RBFOX1: variants seen among roughly 807,000 people sequenced by gnomAD.
RBFOX1 encodes the protein RNA binding fox-1 homolog 1.
In RBFOX1, 8 loss-of-function variants were observed where a neutral mutation model predicts 57.7. The ratio of observed to expected loss-of-function variants is 0.14; its 90% confidence interval spans 0.08 to 0.25. The LOEUF (loss-of-function observed/expected upper bound fraction) is 0.25, where lower values mean the gene tolerates loss of function less well. Ranked by LOEUF, RBFOX1 falls within the 10% of genes least tolerant of loss-of-function variation. The pLI, the probability that RBFOX1 is intolerant of heterozygous loss-of-function variation, is 1.00. For synonymous variants in RBFOX1, 326 were observed against 222.4 expected (o/e 1.47, Z -4.15); for missense variants, 611 against 548.5 (o/e 1.11, Z -1.14).
chr16:7,444,153 G>T (rs1256240074), intron 4 of RBFOX1, among the ~76,000 whole-genome samples: 2 of 152,158 alleles, frequency 1.3e-5, no homozygotes, highest in African/African-American at 4.8e-5. Context: ...ATTAGCTAGG[G>T]TTATTAGTTC....
intron 4 of RBFOX1, among the ~76,000 whole-genome samples, chr16:7,428,867 A>T (rs2098650221): frequency 6.6e-6 from 1 of 152,132 alleles, no homozygotes; most frequent in Non-Finnish European, 1.5e-5. Flanking sequence ...ACAGTAGTAG[A>T]AGTAGCAGCA....
At chr16:5,633,767 A>G (rs2048595852) in intron 3 of RBFOX1, among the ~76,000 whole-genome samples, 1 of 151,836 alleles carries the variant, frequency 6.6e-6, no homozygotes, top group African/African-American at 2.4e-5. Context: ...GCAGCTGCTC[A>G]GGAGGCTGAG....
Position 5,395,320 on chromosome 16 carries a change from G to T in RBFOX1, c.220-71896G>T, listed in dbSNP as rs185760563. ...AGGCTCTTCGTACATTCTTCTGTTA[G>T]ATTCTTGCCAACTTGGATCGGAAGA... On this transcript the variant is annotated intron_variant, in intron 1 of 2. Coordinates refer to the RBFOX1 transcript ENST00000585867. Among the ~76,000 whole-genome samples, 8 of 152,346 alleles carry T rather than the reference G, an allele frequency of 5.3e-5. No individual in the cohort carries two copies. The East Asian group carries it at 1.5e-3, about 29-fold the overall frequency.
chr16:5,362,511 C>T (rs148701141), intron 1 of RBFOX1, among the ~76,000 whole-genome samples: 6,659 of 152,216 alleles, frequency 0.044, 196 homozygotes, highest in South Asian at 0.092. Context: ...TACAGGCATG[C>T]GCCAACACGC....
rs76157829 is a variant in RBFOX1 at position 6,655,870 on chromosome 16, A to C, written c.-16+1220A>C. On this transcript the variant is annotated intron_variant, in intron 3 of 15. Coordinates refer to ENST00000550418, the MANE Select transcript of RBFOX1 (RefSeq NM_018723.4). ...CATGACTGGGGCATGTCTGCTGATTAATAAGGTGGTGGAGGACTTCTCAAA... is the reference window on the plus strand; with the variant it reads ...CATGACTGGGGCATGTCTGCTGATTCATAAGGTGGTGGAGGACTTCTCAAA... Among the ~76,000 whole-genome samples the C allele has an allele frequency of 3.3e-3, 499 of 152,332 alleles. 5 individuals carry two copies. Among genetic ancestry groups the C allele is most frequent in the African/African-American group, 0.011 (477 of 41,584 alleles).
intron 4 of RBFOX1, among the ~76,000 whole-genome samples, chr16:5,912,979 C>G (rs74846379): frequency 0.01 from 1,547 of 152,296 alleles, 19 homozygotes; most frequent in Middle Eastern, 0.021. Context: ...ACTTAAGTGA[C>G]TCAGGATAAA....
chr16:6,060,540 C>G (rs553469533), intron 1 of RBFOX1, among the ~76,000 whole-genome samples: 7 of 152,244 alleles, frequency 4.6e-5, no homozygotes, highest in Non-Finnish European at 8.8e-5. Flanking sequence ...GGTTCGACCT[C>G]TACGTCAGCA....
chr16:5,856,526 CATAT>C (rs202183162), intron 3 of RBFOX1, among the ~76,000 whole-genome samples: 36 of 86,860 alleles, frequency 4.1e-4, no homozygotes, highest in East Asian at 1.8e-3. Flanking sequence ...ATCTCTCATT[CATAT>C]ATGTGTATGT....
intron 3 of RBFOX1, among the ~76,000 whole-genome samples, chr16:6,808,452 T>C (rs915191818): frequency 1.3e-5 from 2 of 151,988 alleles, no homozygotes; most frequent in Admixed American, 1.3e-4. Context: ...ATCCCAAGGA[T>C]CTCACCCCTT....
At chr16:6,794,595 G>C (rs2083592377) in intron 3 of RBFOX1, among the ~76,000 whole-genome samples, 1 of 152,030 alleles carries the variant, frequency 6.6e-6, no homozygotes, top group South Asian at 2.1e-4. Flanking sequence ...CTCATTCAGT[G>C]ACCTACATAT....
Position 6,391,280 on chromosome 16 carries a change from C to A in RBFOX1, c.-64+74223C>A, listed in dbSNP as rs138303553. 4.0e-3 allele frequency among the ~76,000 whole-genome samples: 615 copies of A among 152,168 alleles called. 8 individuals are homozygous for A. The highest frequency in any genetic ancestry group is 0.014 in the African/African-American group (581 of 41,514). Reference sequence around the variant, plus strand: ...ATCCCAGCACTTTGGGAGGCCCAGGCGGGCCGATCACGAGGTCAGGAGATC... The same window carrying A: ...ATCCCAGCACTTTGGGAGGCCCAGGAGGGCCGATCACGAGGTCAGGAGATC... On this transcript the variant is annotated intron_variant, in intron 2 of 15. Coordinates refer to ENST00000550418, the MANE Select transcript of RBFOX1 (RefSeq NM_018723.4).
intron 4 of RBFOX1, among the ~76,000 whole-genome samples, chr16:7,142,351 C>G (rs1479009380): frequency 2.0e-5 from 3 of 152,122 alleles, no homozygotes; most frequent in Non-Finnish European, 4.4e-5. Context: ...GGAAAAAAAT[C>G]AGACTGGTTA....
At chr16:7,096,104 C>T (rs539898714) in intron 4 of RBFOX1, among the ~76,000 whole-genome samples, 7 of 152,078 alleles carry the variant, frequency 4.6e-5, no homozygotes, top group African/African-American at 1.7e-4. Flanking sequence ...TCTGACGACC[C>T]AGGAGACATG....
At chr16:5,423,712 A>G (rs2067426365) in intron 1 of RBFOX1, among the ~76,000 whole-genome samples, 1 of 152,008 alleles carries the variant, frequency 6.6e-6, no homozygotes, top group South Asian at 2.1e-4. Flanking sequence ...CCTTCCATTG[A>G]CGATTGTACC....
rs188512839 is a variant in RBFOX1 at position 6,225,909 on chromosome 16, T to G, written c.-126-91086T>G. On this transcript the variant is annotated intron_variant, in intron 1 of 15. Coordinates refer to ENST00000550418, the MANE Select transcript of RBFOX1 (RefSeq NM_018723.4). ...TTTACAGAAACACTGAAGCCGTGCT[T>G]TTTGATAGTTAATGGGGGAATTAAC... 5.9e-5 allele frequency among the ~76,000 whole-genome samples: 9 copies of G among 152,308 alleles called. No homozygotes were observed. In the East Asian group the frequency reaches 1.7e-3, roughly 29 times the overall value.
At chr16:7,614,504 C>G (rs977485155) in intron 10 of RBFOX1, 9 of 152,068 alleles carry the variant, frequency 5.9e-5, no homozygotes, top group African/African-American at 1.7e-4. Flanking sequence ...TCAGTACTTG[C>G]TTATGTGCTA....
chr16:5,854,629 T>TTCA (rs1191678675), intron 3 of RBFOX1, among the ~76,000 whole-genome samples: 2 of 152,058 alleles, frequency 1.3e-5, no homozygotes, highest in East Asian at 3.9e-4. Flanking sequence ...ATTTTCTTCG[T>TTCA]TCATCTGTTA....
At chr16:7,619,180 A>G (rs1228067357) in intron 10 of RBFOX1, among the ~76,000 whole-genome samples, 1 of 152,310 alleles carries the variant, frequency 6.6e-6, no homozygotes, top group African/African-American at 2.4e-5. Context: ...TATCATTTTA[A>G]AACACAAACA....
chr16:6,847,826 C>G (rs937185434), intron 3 of RBFOX1, among the ~76,000 whole-genome samples: 2 of 151,928 alleles, frequency 1.3e-5, no homozygotes, highest in African/African-American at 2.4e-5. Context: ...TTATTCCCAC[C>G]AAGACTTCCT....
Sources: gnomAD v4.1 joint callset for allele counts (sites outside exome capture counted in the v4.1 genomes callset) on GRCh38, gnomAD v4.1.1 for gene constraint, MANE v1.5 for transcripts, NCBI Gene and HGNC (gene_info 2026-07-23, HGNC 2026-07-21) for gene names.